PTPRQ: variants seen among roughly 807,000 people sequenced by gnomAD.
PTPRQ encodes the protein phosphatidylinositol phosphatase PTPRQ.
PTPRQ carries 199 observed loss-of-function variants against 246.0 expected under a neutral mutation model. The ratio of observed to expected loss-of-function variants is 0.81; its 90% CI spans 0.72 to 0.91. PTPRQ has a LOEUF of 0.91. Ranked by LOEUF, PTPRQ falls within the 40% of genes least tolerant of loss-of-function variation. The pLI, the probability that PTPRQ is intolerant of heterozygous loss-of-function variation, is 0.00. For missense variants in PTPRQ, 2,624 were observed against 2,528.4 expected (o/e 1.04, Z -0.81); for synonymous variants, 869 against 853.2 (o/e 1.02, Z -0.32).
At chr12:80,554,506 T>C (rs570258466) in intron 25 of PTPRQ, among the ~76,000 whole-genome samples, 120 of 152,296 alleles carry the variant, frequency 7.9e-4, no homozygotes, top group African/African-American at 2.6e-3. Flanking sequence ...TAATTTAGAA[T>C]CAAAAGAGAA....
chr12:80,541,503 T>A, intron 20 of PTPRQ, 52 bp from the exon 21 acceptor site: 2 of 1,323,944 alleles, frequency 1.5e-6, no homozygotes, highest in Non-Finnish European at 1.9e-6. Context: ...TGAATTTAGA[T>A]TCTGTTTAGG....
At chr12:80,528,186 A>G (rs1180311159) in intron 17 of PTPRQ, among the ~76,000 whole-genome samples, 1 of 152,210 alleles carries the variant, frequency 6.6e-6, no homozygotes, top group Non-Finnish European at 1.5e-5. Context: ...GATATAACTT[A>G]TACACTTTGT....
At chr12:80,649,535 G>T in intron 36 of PTPRQ, 53 bp from the exon 37 acceptor site, 3 of 1,530,750 alleles carry the variant, frequency 2.0e-6, no homozygotes, top group Non-Finnish European at 2.6e-6. Flanking sequence ...CAATGCTAAC[G>T]CGAACAAATA....
At position 80,484,474 on chromosome 12, in the gene PTPRQ, T is replaced by A; in HGVS notation, c.1228T>A (p.Ser410Thr). Residue 410 changes from serine (S) to threonine (T), a missense_variant, in exon 9 of 45, where the codon TCC (serine) becomes ACC (threonine). Transcript: ENST00000644991. ...VFDLQLAEVE[S>T]TQVRITWKKP... Reference sequence around the variant, plus strand: ...TGATTTACAACTTGCAGAGGTAGAATCCACGCAAGTAAGAATTACTTGGAA... The same window carrying A: ...TGATTTACAACTTGCAGAGGTAGAAACCACGCAAGTAAGAATTACTTGGAA... 1 of 1,551,228 alleles carries A rather than the reference T, an allele frequency of 6.4e-7. No homozygotes were observed. Among genetic ancestry groups the A allele is most frequent in the Non-Finnish European group, 8.7e-7 (1 of 1,146,846 alleles).
intron 8 of PTPRQ, among the ~76,000 whole-genome samples, chr12:80,477,055 G>A (rs1015473624): frequency 6.6e-6 from 1 of 152,176 alleles, no homozygotes; most frequent in African/African-American, 2.4e-5. Context: ...GTGAAACTGG[G>A]AAGTTCCCTA....
intron 37 of PTPRQ, among the ~76,000 whole-genome samples, chr12:80,650,230 T>C (rs1900213310): frequency 6.6e-6 from 1 of 151,910 alleles, no homozygotes; most frequent in African/African-American, 2.4e-5. Flanking sequence ...TTTTTAAAGT[T>C]ACTATGGAAT....
In PTPRQ at chr12:80,542,247, A is replaced by G. The variant is rs17713202; in HGVS notation, c.3604A>G (p.Asn1202Asp). 238,689 of 1,550,042 alleles carry G rather than the reference A, an allele frequency of 0.15. 19,605 individuals carry two copies. The highest frequency in any genetic ancestry group is 0.18 in the Middle Eastern group (1,050 of 5,982). Residue 1202 changes from asparagine (N) to aspartate (D), a missense_variant, in exon 22 of 45, where the codon AAT (asparagine) becomes GAT (aspartate). Coordinates refer to ENST00000644991, the MANE Select transcript of PTPRQ (RefSeq NM_001145026.2). ...AAATTATTCTTTCATTACTTCTGAT[A>G]ATTACATAATATTGGAAGAGCTTTC... ...NENYSFITSD[N>D]YIILEELSPF...
intron 26 of PTPRQ, among the ~76,000 whole-genome samples, chr12:80,597,682 C>A (rs1565809651): frequency 6.6e-6 from 1 of 151,888 alleles, no homozygotes; most frequent in African/African-American, 2.4e-5. Flanking sequence ...TTTCAAATGG[C>A]ATGTCGACGT....
chr12:80,542,375 A>T lies in PTPRQ; in HGVS notation c.3721+11A>T, dbSNP rs927072926. 1.3e-6 allele frequency: 2 copies of T among 1,520,780 alleles called. No homozygotes were observed. Among genetic ancestry groups the T allele is most frequent in the Admixed American group, 2.5e-5 (1 of 40,132 alleles). 94.2% of individuals were successfully genotyped at this position (1,520,780 alleles called of 1,614,324 possible). On this transcript the variant is annotated intron_variant, in intron 22 of 44. Coordinates refer to ENST00000644991, the MANE Select transcript of PTPRQ (RefSeq NM_001145026.2). ...ACACAGATGAGTCAGGTAAGCCAGA[A>T]TCCACATTTCTTCAAACAATTTCAC...
In PTPRQ at chr12:80,533,962, G is replaced by C. The variant is rs146417198; in HGVS notation, c.2679-53G>C. The C allele has an allele frequency of 2.6e-5, 35 of 1,330,516 alleles. No homozygotes were observed. In the East Asian group the frequency reaches 9.5e-4, roughly 36 times the overall value. 82.4% of individuals were successfully genotyped at this position (1,330,516 alleles called of 1,614,324 possible). A position where few individuals can be genotyped will look rare whatever the true frequency, so the allele number is the denominator to read the frequency against. Reference sequence around the variant, plus strand: ...CTTTTAATGTTAGTGTGCTCAAAAAGTATTGTTAACTTTTAAAATTCAATT... The same window carrying C: ...CTTTTAATGTTAGTGTGCTCAAAAACTATTGTTAACTTTTAAAATTCAATT... On this transcript the variant is annotated intron_variant, in intron 17 of 44. Transcript: ENST00000644991.
intron 8 of PTPRQ, among the ~76,000 whole-genome samples, chr12:80,480,154 A>G (rs1307315216): frequency 6.6e-6 from 1 of 152,280 alleles, no homozygotes; most frequent in East Asian, 1.9e-4. Flanking sequence ...GTAAAAGAAC[A>G]GAAATTATAA....
chr12:80,651,452 G>A (rs1301091691), intron 37 of PTPRQ, among the ~76,000 whole-genome samples: 1 of 151,956 alleles, frequency 6.6e-6, no homozygotes, highest in Non-Finnish European at 1.5e-5. Context: ...AAGGAAAAAA[G>A]GTGTTCCAGA....
At chr12:80,593,271 T>A (rs1378021440) in intron 26 of PTPRQ, among the ~76,000 whole-genome samples, 1 of 152,044 alleles carries the variant, frequency 6.6e-6, no homozygotes, top group African/African-American at 2.4e-5. Flanking sequence ...TTTGAGTAAC[T>A]CCAATAAAAG....
chr12:80,541,135 G>A (rs1169516646), intron 20 of PTPRQ, among the ~76,000 whole-genome samples: 2 of 151,994 alleles, frequency 1.3e-5, no homozygotes, highest in African/African-American at 2.4e-5. Flanking sequence ...GTAACTTAAT[G>A]GCTGAGCTTT....
intron 25 of PTPRQ, among the ~76,000 whole-genome samples, chr12:80,583,096 A>AT (rs1195034139): frequency 6.6e-6 from 1 of 152,062 alleles, no homozygotes; most frequent in South Asian, 2.1e-4. Flanking sequence ...ACATCCTGAT[A>AT]TTTTTTATCT....
At chr12:80,481,615 T>C (rs562515658) in intron 8 of PTPRQ, among the ~76,000 whole-genome samples, 1 of 152,146 alleles carries the variant, frequency 6.6e-6, no homozygotes, top group South Asian at 2.1e-4. Flanking sequence ...TGATTGTATA[T>C]CTAGAAAACC....
chr12:80,492,701 A>G (rs534806308), intron 9 of PTPRQ, among the ~76,000 whole-genome samples: 1 of 152,080 alleles, frequency 6.6e-6, no homozygotes, highest in African/African-American at 2.4e-5. Flanking sequence ...GTTACTTTAA[A>G]TATTCCTTAT....
chr12:80,591,875 T>G (rs1412579666), intron 26 of PTPRQ, among the ~76,000 whole-genome samples: 1 of 152,184 alleles, frequency 6.6e-6, no homozygotes, highest in Non-Finnish European at 1.5e-5. Flanking sequence ...ATTGCCACAC[T>G]GAGCCAGGAA....
chr12:80,622,491 G>T (rs1394052346), intron 33 of PTPRQ, among the ~76,000 whole-genome samples: 1 of 151,964 alleles, frequency 6.6e-6, no homozygotes, highest in Non-Finnish European at 1.5e-5. Context: ...CATCTAGTGG[G>T]CAAAGATTAG....
Sources: allele counts gnomAD v4.1 joint callset (sites outside exome capture counted in the v4.1 genomes callset), GRCh38; gene constraint gnomAD v4.1.1; transcripts MANE v1.5; gene names NCBI Gene and HGNC (gene_info 2026-07-23, HGNC 2026-07-21).